GPC5: variants seen among roughly 807,000 people sequenced by gnomAD.
GPC5 encodes glypican-5.
GPC5 carries 47 observed loss-of-function variants against 53.9 expected under a neutral mutation model. The ratio of observed to expected loss-of-function variants is 0.87; its 90% CI spans 0.69 to 1.11. The LOEUF is 1.11. GPC5 is among the 50% of genes most tolerant of loss of function. The pLI, the probability that GPC5 is intolerant of heterozygous loss-of-function variation, is 0.00. For missense variants in GPC5, 748 were observed against 713.1 expected, an observed-to-expected ratio of 1.05 and a Z score of -0.56; for synonymous variants, 286 against 263.3, an observed-to-expected ratio of 1.09 and a Z score of -0.84.
intron 2 of GPC5, among the ~76,000 whole-genome samples, chr13:91,553,048 C>T (rs1211220820): frequency 6.6e-6 from 1 of 151,964 alleles, no homozygotes; most frequent in East Asian, 1.9e-4. Flanking sequence ...GTGAATATTA[C>T]AGTTAATTGT....
In GPC5 at chr13:92,663,784, CTATA is replaced by C. The variant is rs1196994125; in HGVS notation, c.1562-202493_1562-202490del. ...TATATATACACTATATATACACACACTATATATACACACACTATATATATACACA... is the reference window on the plus strand; with the variant it reads ...TATATATACACTATATATACACACACTATACACACACTATATATATACACA... On this transcript the variant is annotated intron_variant, in intron 7 of 7. Transcript: ENST00000377067. Among the ~76,000 whole-genome samples the C allele has an allele frequency of 5.1e-5, 7 of 138,610 alleles. 1 individual carries two copies. In the South Asian group the frequency reaches 8.9e-4, roughly 18 times the overall value. The allele number at this position is 138,610 out of a possible 152,430, so 90.9% of individuals were successfully genotyped here. A position where few individuals can be genotyped will look rare whatever the true frequency, so the allele number is the denominator to read the frequency against.
chr13:91,682,058 T>C (rs1012894018), intron 2 of GPC5, among the ~76,000 whole-genome samples: 15 of 152,306 alleles, frequency 9.8e-5, no homozygotes, highest in Admixed American at 4.6e-4. Flanking sequence ...GAACTCAGAA[T>C]CTGGAACCAA....
At chr13:91,600,505 A>G (rs935987531) in intron 2 of GPC5, among the ~76,000 whole-genome samples, 13 of 152,172 alleles carry the variant, frequency 8.5e-5, no homozygotes, top group African/African-American at 3.1e-4. Context: ...CATCATAAAT[A>G]TAAACAATTT....
intron 7 of GPC5, among the ~76,000 whole-genome samples, chr13:92,564,821 C>T (rs1254736425): frequency 1.3e-5 from 2 of 152,028 alleles, no homozygotes; most frequent in African/African-American, 2.4e-5. Flanking sequence ...TAATGGCCTC[C>T]AGCTAACACC....
At chr13:91,963,930 G>C (rs527414784) in intron 6 of GPC5, among the ~76,000 whole-genome samples, 2 of 152,262 alleles carry the variant, frequency 1.3e-5, no homozygotes, top group South Asian at 4.2e-4. Context: ...CTGTAAACTA[G>C]TTCAACCATT....
intron 6 of GPC5, among the ~76,000 whole-genome samples, chr13:91,971,398 T>A (rs2040240801): frequency 6.6e-6 from 1 of 152,152 alleles, no homozygotes; most frequent in Non-Finnish European, 1.5e-5. Flanking sequence ...TCAATTTTGT[T>A]GATCTTTTCA....
At chr13:91,903,973 T>G (rs764623528) in intron 5 of GPC5, among the ~76,000 whole-genome samples, 2 of 151,936 alleles carry the variant, frequency 1.3e-5, no homozygotes, top group African/African-American at 4.8e-5. Context: ...ATTGCCTATA[T>G]TATGTCTGTA....
chr13:92,770,389 T>C (rs1875565492), intron 7 of GPC5, among the ~76,000 whole-genome samples: 1 of 129,808 alleles, frequency 7.7e-6, no homozygotes, highest in Non-Finnish European at 1.6e-5. Flanking sequence ...TACTCCAGCC[T>C]GGGTGACCTA....
intron 2 of GPC5, among the ~76,000 whole-genome samples, chr13:91,575,049 C>G (rs2032081637): frequency 6.6e-6 from 1 of 152,030 alleles, no homozygotes; most frequent in South Asian, 2.1e-4. Flanking sequence ...TCCATGCAGG[C>G]AAGAAAAAGG....
chr13:92,525,437 AGTGTGTGTGTGTGT>A (rs34946580), intron 7 of GPC5, among the ~76,000 whole-genome samples: 19,346 of 136,646 alleles, frequency 0.14, 1,570 homozygotes, highest in Non-Finnish European at 0.19. Flanking sequence ...GATAGATTCA[AGTGTGTGTGTGTGT>A]GTGTGTGTGT....
chr13:92,481,788 C>G (rs566378069), intron 7 of GPC5, among the ~76,000 whole-genome samples: 1 of 152,102 alleles, frequency 6.6e-6, no homozygotes, highest in African/African-American at 2.4e-5. Context: ...GGGTTGAAGA[C>G]AAGTGGATTT....
intron 6 of GPC5, among the ~76,000 whole-genome samples, chr13:92,114,897 T>C (rs1471188220): frequency 6.6e-6 from 1 of 152,158 alleles, no homozygotes; most frequent in East Asian, 1.9e-4. Context: ...CAATACGTTC[T>C]TGAGTTTTAA....
intron 7 of GPC5, among the ~76,000 whole-genome samples, chr13:92,575,270 A>T (rs926597470): frequency 1.3e-5 from 2 of 152,086 alleles, no homozygotes; most frequent in Non-Finnish European, 2.9e-5. Flanking sequence ...TAAGCTCAAA[A>T]GGAGACCATC....
intron 2 of GPC5, among the ~76,000 whole-genome samples, chr13:91,528,755 A>G (rs1172106027): frequency 6.6e-6 from 1 of 152,222 alleles, no homozygotes; most frequent in Admixed American, 6.5e-5. Flanking sequence ...TCACAGTTCC[A>G]CATGGCTTGG....
Position 92,372,301 on chromosome 13 carries a change from T to A in GPC5, c.1561+227312T>A, listed in dbSNP as rs187250233. On this transcript the variant is annotated intron_variant, in intron 7 of 7. Transcript: ENST00000377067. Reference sequence around the variant, plus strand: ...TTTCAATTTTTTTAAGACCCTAGATTGCAAACTTTTAGCAAAAAGTTTATC... The same window carrying A: ...TTTCAATTTTTTTAAGACCCTAGATAGCAAACTTTTAGCAAAAAGTTTATC... 7.9e-5 allele frequency among the ~76,000 whole-genome samples: 12 copies of A among 152,290 alleles called. No individual in the cohort carries two copies. In the East Asian group the frequency reaches 2.1e-3, roughly 27 times the overall value.
At chr13:92,030,026 C>A (rs1594732959) in intron 6 of GPC5, among the ~76,000 whole-genome samples, 1 of 152,116 alleles carries the variant, frequency 6.6e-6, no homozygotes, top group African/African-American at 2.4e-5. Flanking sequence ...ATGCACAATA[C>A]CTCCTGAGAA....
intron 6 of GPC5, among the ~76,000 whole-genome samples, chr13:91,911,674 G>C (rs1424788775): frequency 6.6e-6 from 1 of 152,142 alleles, no homozygotes; most frequent in African/African-American, 2.4e-5. Context: ...AATGAAAAAA[G>C]GAAGTGGTAC....
At chr13:91,520,426 T>C (rs994768385) in intron 2 of GPC5, among the ~76,000 whole-genome samples, 1 of 152,158 alleles carries the variant, frequency 6.6e-6, no homozygotes, top group Non-Finnish European at 1.5e-5. Flanking sequence ...ATAAAGTAGA[T>C]TACACTTCAT....
intron 2 of GPC5, among the ~76,000 whole-genome samples, chr13:91,457,798 G>A (rs544709957): frequency 2.6e-5 from 4 of 152,166 alleles, no homozygotes; most frequent in South Asian, 4.1e-4. Flanking sequence ...GCACTGACAC[G>A]TGGTTGAGCA....
Sources: allele counts gnomAD v4.1 joint callset (sites outside exome capture counted in the v4.1 genomes callset), GRCh38; gene constraint gnomAD v4.1.1; transcripts MANE v1.5; gene names NCBI Gene and HGNC (gene_info 2026-07-23, HGNC 2026-07-21).